The following GRID1 variants were observed in gnomAD, a reference collection of about 807,000 sequenced individuals.
GRID1 encodes glutamate receptor ionotropic, delta-1.
A neutral mutation model predicts 98.0 loss-of-function variants in GRID1; 28 were observed. The ratio of observed to expected loss-of-function variants is 0.29; its 90% confidence interval spans 0.21 to 0.39. The LOEUF is 0.39. Among genes scored for constraint, GRID1 ranks in the 10% least tolerant of loss-of-function variants. GRID1 has a pLI of 1.00. For missense variants in GRID1, 1,111 were observed against 1,340.5 expected (o/e 0.83, Z 2.67); for synonymous variants, 553 against 538.5 (o/e 1.03, Z -0.37).
In GRID1 at chr10:85,647,391, G is replaced by A; in HGVS notation, c.2004C>T (p.Phe668=). ...TTTCCACTTGTTTGGACAGGTCCTG[G>A]AAAGTCCTGAAATGCAGAAAGGCAG... ...VSRMDNPIRT[F]QDLSKQVEMS... The change falls in exon 13 of 16, where the codon TTC becomes TTT. Residue 668 remains phenylalanine, a synonymous_variant. Transcript: ENST00000327946. 6.2e-7 allele frequency: 1 copy of A among 1,613,128 alleles called. No individual in the cohort carries two copies. The highest frequency in any genetic ancestry group is 8.5e-7 in the Non-Finnish European group (1 of 1,179,098).
intron 8 of GRID1, among the ~76,000 whole-genome samples, chr10:85,838,331 A>G (rs1012381468): frequency 7.9e-5 from 12 of 151,620 alleles, no homozygotes; most frequent in African/African-American, 2.4e-4. Context: ...GATAGTTCAC[A>G]AGAAGATCAT....
intron 2 of GRID1, among the ~76,000 whole-genome samples, chr10:86,322,903 C>T (rs998003108): frequency 1.3e-5 from 2 of 150,670 alleles, no homozygotes; most frequent in African/African-American, 4.9e-5. Context: ...ACCAGCCTGA[C>T]CAACATGGTG....
At chr10:85,668,880 T>C (rs1841053615) in intron 12 of GRID1, among the ~76,000 whole-genome samples, 1 of 152,206 alleles carries the variant, frequency 6.6e-6, no homozygotes, top group Non-Finnish European at 1.5e-5. Context: ...TGATCCTTCC[T>C]GTGAGTCCTC....
At chr10:85,895,700 A>G (rs755136843) in intron 5 of GRID1, among the ~76,000 whole-genome samples, 1 of 152,204 alleles carries the variant, frequency 6.6e-6, no homozygotes, top group Non-Finnish European at 1.5e-5. Context: ...GGTGGAAGAA[A>G]TGGCTTTTCA....
chr10:86,058,502 C>T (rs896666486), intron 4 of GRID1, among the ~76,000 whole-genome samples: 1 of 152,210 alleles, frequency 6.6e-6, no homozygotes, highest in African/African-American at 2.4e-5. Flanking sequence ...AAAGGTCCAA[C>T]TCACTCTCTC....
chr10:86,151,514 A>G (rs568466594), intron 3 of GRID1, among the ~76,000 whole-genome samples: 8 of 152,226 alleles, frequency 5.3e-5, no homozygotes, highest in African/African-American at 1.9e-4. Context: ...CAAATGCTGG[A>G]GTTTGGCATT....
intron 2 of GRID1, among the ~76,000 whole-genome samples, chr10:86,336,374 A>C (rs1848221467): frequency 6.6e-6 from 1 of 152,224 alleles, no homozygotes; most frequent in Admixed American, 6.5e-5. Context: ...AAGAACCGTG[A>C]CATCCAGGAA....
chr10:86,030,213 A>C (rs936139403), intron 4 of GRID1, among the ~76,000 whole-genome samples: 1 of 152,222 alleles, frequency 6.6e-6, no homozygotes, highest in Admixed American at 6.5e-5. Flanking sequence ...TATATAAGAA[A>C]GGATCTTGTA....
intron 4 of GRID1, among the ~76,000 whole-genome samples, chr10:85,971,244 C>A (rs1842403362): frequency 6.6e-6 from 1 of 151,840 alleles, no homozygotes; most frequent in Non-Finnish European, 1.5e-5. Flanking sequence ...GCTTCTAAAA[C>A]AAAATATAGG....
chr10:85,813,360 A>G (rs1238811006), intron 8 of GRID1, among the ~76,000 whole-genome samples: 2 of 151,668 alleles, frequency 1.3e-5, no homozygotes, highest in Non-Finnish European at 2.9e-5. Context: ...AAAACAACAC[A>G]TTATACACAG....
At chr10:86,018,969 T>G (rs1843014135) in intron 4 of GRID1, among the ~76,000 whole-genome samples, 1 of 152,238 alleles carries the variant, frequency 6.6e-6, no homozygotes, top group Admixed American at 6.5e-5. Flanking sequence ...CAATGTGGGC[T>G]GAGGAGTTTG....
chr10:86,295,690 C>G (rs995436675), intron 2 of GRID1, among the ~76,000 whole-genome samples: 1 of 152,136 alleles, frequency 6.6e-6, no homozygotes. Flanking sequence ...CCCTTAGCTG[C>G]AGGTTGGGGT....
At chr10:85,870,066 G>A (rs1268888640) in intron 5 of GRID1, among the ~76,000 whole-genome samples, 1 of 152,196 alleles carries the variant, frequency 6.6e-6, no homozygotes, top group Non-Finnish European at 1.5e-5. Flanking sequence ...GTTCCTGGGT[G>A]TGTCTGTGAG....
chr10:86,161,951 A>G (rs919189504), intron 3 of GRID1, among the ~76,000 whole-genome samples: 1 of 152,200 alleles, frequency 6.6e-6, no homozygotes, highest in African/African-American at 2.4e-5. Flanking sequence ...ATTTTGTACA[A>G]ATTTCCGATT....
rs565778071 is a variant in GRID1, at chr10:85,607,825, T to G, written c.2602-5124A>C. 1.3e-3 allele frequency among the ~76,000 whole-genome samples: 193 copies of G among 147,848 alleles called. 1 individual carries two copies. The highest frequency in any genetic ancestry group is 4.7e-3 in the African/African-American group (190 of 40,022). Reference sequence around the variant, plus strand: ...CCTTTTCCTTTTTTTTTTTTTTTTGTTTGTTTGTTTGAGACAGGGTCTCCC... The same window carrying G: ...CCTTTTCCTTTTTTTTTTTTTTTTGGTTGTTTGTTTGAGACAGGGTCTCCC... On this transcript the variant is annotated intron_variant, in intron 15 of 15. Coordinates refer to ENST00000327946, the MANE Select transcript of GRID1 (RefSeq NM_017551.3).
At chr10:86,304,426 C>A (rs1412538940) in intron 2 of GRID1, among the ~76,000 whole-genome samples, 1 of 152,246 alleles carries the variant, frequency 6.6e-6, no homozygotes, top group Non-Finnish European at 1.5e-5. Context: ...TCACCCCTGG[C>A]TCTGCTGCTG....
At chr10:85,741,609 T>TTCAGGGAGTGCATATC (rs1841943712) in intron 8 of GRID1, among the ~76,000 whole-genome samples, 1 of 152,192 alleles carries the variant, frequency 6.6e-6, no homozygotes, top group African/African-American at 2.4e-5. Context: ...TCCTTCAGTT[T>TTCAGGGAGTGCATATC]CTTTTTTATG....
At position 85,748,649 on chromosome 10, in the gene GRID1, T is replaced by A. The variant is rs191354632; in HGVS notation, c.1234-19035A>T. Among the ~76,000 whole-genome samples, 3 of 152,286 alleles carry A rather than the reference T, an allele frequency of 2.0e-5. No homozygotes were observed. In the East Asian group the frequency reaches 5.8e-4, roughly 29 times the overall value. ...CTTAAATTAGAACACATATTAACAT[T>A]GATAGCAGGTCCTCGTGAATTTCAA... is the stretch of plus-strand genomic sequence containing the variant. On this transcript the variant is annotated intron_variant, in intron 8 of 15. Transcript: ENST00000327946.
At chr10:86,247,998 C>G (rs541949607) in intron 2 of GRID1, among the ~76,000 whole-genome samples, 1 of 140,364 alleles carries the variant, frequency 7.1e-6, no homozygotes, top group Admixed American at 8.3e-5. Context: ...CCCCCACAAC[C>G]TCCACAGAGA....
Sources: allele counts gnomAD v4.1 joint callset (sites outside exome capture counted in the v4.1 genomes callset), GRCh38; gene constraint gnomAD v4.1.1; transcripts MANE v1.5; gene names NCBI Gene and HGNC (gene_info 2026-07-23, HGNC 2026-07-21).